CCT8: variants seen among roughly 807,000 people sequenced by gnomAD.
CCT8 encodes T-complex protein 1 subunit theta.
Under a neutral mutation model 65.7 loss-of-function variants are expected in CCT8, and 10 were observed. The ratio of observed to expected loss-of-function variants is 0.15; its 90% CI spans 0.09 to 0.26. The LOEUF is 0.26. CCT8 is among the 10% of genes least tolerant of loss of function. CCT8 has a pLI of 1.00. For missense variants in CCT8, 568 were observed against 669.1 expected, an observed-to-expected ratio of 0.85 and a Z score of 1.67; for synonymous variants, 199 against 221.8, an observed-to-expected ratio of 0.90 and a Z score of 0.92.
At position 29,060,632 on chromosome 21, in the gene CCT8, A is replaced by G. The variant is rs751712775; in HGVS notation, c.1478T>C (p.Leu493Pro). 2 of 1,613,912 alleles carry G rather than the reference A, an allele frequency of 1.2e-6. No individual in the cohort carries two copies. Among genetic ancestry groups the G allele is most frequent in the Non-Finnish European group, 1.7e-6 (2 of 1,179,812 alleles). Residue 493 changes from leucine to proline, a missense_variant, in exon 14 of 15, where the codon CTG (leucine) becomes CCG (proline). By Grantham distance (98) the Leu-to-Pro change is moderately conservative. Coordinates refer to ENST00000286788, the MANE Select transcript of CCT8 (RefSeq NM_006585.4). ...GTAAGTATCTAGAATACCAGCTTCC[A>G]GCATGTCCTTTACAGCAGGGACTTC... ...EAEVPAVKDM[L>P]EAGILDTYLG...
chr21:29,062,146 A>C lies in CCT8; in HGVS notation c.1194T>G (p.Thr398=). Residue 398 remains threonine, a synonymous_variant, in exon 11 of 15, where the codon ACT becomes ACG. Transcript: ENST00000286788. ...IERAVDDGVN[T]FKVLTRDKRL... ...TACTGACCCTTGTAAGAACTTTGAA[A>C]GTATTAACACCATCGTCTACTGCCC... 6.2e-7 allele frequency: 1 copy of C among 1,609,660 alleles called. No homozygotes were observed. Among genetic ancestry groups the C allele is most frequent in the Non-Finnish European group, 8.5e-7 (1 of 1,177,164 alleles).
chr21:29,070,362 C>A (rs201101593), intron 1 of CCT8, 25 bp from the exon 2 acceptor site: 84 of 1,465,652 alleles, frequency 5.7e-5, no homozygotes, highest in Non-Finnish European at 7.8e-5. Context: ...AAACAAAAAA[C>A]CCCGCTAATT....
At position 29,063,398 on chromosome 21, in the gene CCT8, C is replaced by G; in HGVS notation, c.895G>C (p.Asp299His). The change falls in exon 8 of 15, where the codon GAC becomes CAC. Residue 299 changes from aspartate to histidine, a missense_variant. Coordinates refer to ENST00000286788, the MANE Select transcript of CCT8 (RefSeq NM_006585.4). The stretch of plus-strand genomic sequence containing the variant: ...TTATTTGCATAATGAAGAGCCATGT[C>G]TGCCACTTTGCCACCTGTTACTACG... Reference protein sequence around the residue: ...NVVVTGGKVADMALHYANKYN... With the variant: ...NVVVTGGKVAHMALHYANKYN... The G allele has an allele frequency of 6.2e-7, 1 of 1,613,910 alleles. No individual in the cohort carries two copies. The highest frequency in any genetic ancestry group is 8.5e-7 in the Non-Finnish European group (1 of 1,179,968).
At chr21:29,065,185 A>C in intron 6 of CCT8, 80 bp from the exon 7 acceptor site, 1 of 1,416,930 alleles carries the variant, frequency 7.1e-7, no homozygotes, top group African/African-American at 1.4e-5. Flanking sequence ...CCATATACCA[A>C]AAATATCCCT....
intron 13 of CCT8, 106 bp downstream of exon 13, chr21:29,061,147 C>A: frequency 1.1e-6 from 1 of 922,378 alleles, no homozygotes; most frequent in East Asian, 2.4e-5. Flanking sequence ...AATCTGCTCC[C>A]AAATCAGAAC....
chr21:29,059,374 C>T (rs1393507709), intron 14 of CCT8: 1 of 152,192 alleles, frequency 6.6e-6, no homozygotes, highest in African/African-American at 2.4e-5. Context: ...ACTTCCCCTA[C>T]CATAAGATAA....
chr21:29,067,166 G>A, intron 4 of CCT8, 95 bp from the exon 5 acceptor site: 1 of 855,130 alleles, frequency 1.2e-6, no homozygotes, highest in East Asian at 2.6e-5. Flanking sequence ...GATACAAAAT[G>A]ACAAAGAATA....
chr21:29,072,020 A>C (rs12233350), intron 1 of CCT8: 1 of 694,838 alleles, frequency 1.4e-6, no homozygotes, highest in East Asian at 2.7e-5. Context: ...TAAAAAAAAA[A>C]CAGGTCAAAA....
chr21:29,070,309 T>C lies in CCT8; in HGVS notation c.89A>G (p.Tyr30Cys), dbSNP rs145392126. 2 of 1,611,850 alleles carry C rather than the reference T, an allele frequency of 1.2e-6. No individual in the cohort carries two copies. The highest frequency in any genetic ancestry group is 1.3e-5 in the African/African-American group (1 of 74,842). ...CTCCTTGCAAGCTTGTATGTTTCTA[T>C]ACACAGCCTCTTCTAATCCTGAAAA... The part of the protein sequence containing the change: ...KHFSGLEEAV[Y>C]RNIQACKELA... The change falls in exon 2 of 15, where the codon TAT becomes TGT. Residue 30 changes from tyrosine (Y) to cysteine (C), a missense_variant. By Grantham distance (194) the Tyr-to-Cys change is radical. Transcript: ENST00000286788.
intron 14 of CCT8, 134 bp downstream of exon 14, chr21:29,060,407 A>G (rs2085549889): frequency 1.2e-6 from 1 of 810,814 alleles, no homozygotes; most frequent in Non-Finnish European, 1.9e-6. Flanking sequence ...GGAGGGGGGC[A>G]CATAGTATCT....
At chr21:29,064,409 T>TAAAAAAAAAAAAAAAAAAAAAAA (rs34760776) in intron 7 of CCT8, among the ~76,000 whole-genome samples, 59 of 26,726 alleles carry the variant, frequency 2.2e-3, no homozygotes, top group Non-Finnish European at 2.9e-3. Flanking sequence ...AGCAAGACTC[T>TAAAAAAAAAAAAAAAAAAAAAAA]AAAAAAAAAA....
chr21:29,063,525 T>A lies in CCT8; in HGVS notation c.768A>T (p.Thr256=). The change falls in exon 8 of 15, where the codon ACA becomes ACT. Residue 256 remains threonine, a synonymous_variant. Transcript: ENST00000286788. The part of the protein sequence containing the change: ...FDGMITETKG[T]VLIKTAEELM... ...ATTCTTCAGCAGTCTTTATCAACACTGTTCCCTGGCAAAACAAGTAAACAT... is the reference window on the plus strand; with the variant it reads ...ATTCTTCAGCAGTCTTTATCAACACAGTTCCCTGGCAAAACAAGTAAACAT... 2.5e-6 allele frequency: 4 copies of A among 1,613,248 alleles called. No homozygotes were observed. The highest frequency in any genetic ancestry group is 3.4e-6 in the Non-Finnish European group (4 of 1,179,766).
intron 14 of CCT8, among the ~76,000 whole-genome samples, chr21:29,056,903 ATGAGATG>A: frequency 6.6e-6 from 1 of 152,280 alleles, no homozygotes; most frequent in East Asian, 1.9e-4. Context: ...CTATTTATAT[ATGAGATG>A]TGTCTTGCCA....
intron 1 of CCT8, among the ~76,000 whole-genome samples, chr21:29,071,625 G>A (rs2085681294): frequency 6.6e-6 from 1 of 152,062 alleles, no homozygotes; most frequent in Non-Finnish European, 1.5e-5. Context: ...GGCCTCAAGT[G>A]ATCCACTGAC....
chr21:29,059,775 A>G (rs1348274625), intron 14 of CCT8: 1 of 152,152 alleles, frequency 6.6e-6, no homozygotes, highest in Non-Finnish European at 1.5e-5. Context: ...AGTTCTTCCA[A>G]TAAATTTGTT....
chr21:29,060,463 G>A, intron 14 of CCT8, 78 bp downstream of exon 14: 2 of 1,430,550 alleles, frequency 1.4e-6, no homozygotes, highest in Middle Eastern at 1.8e-4. Flanking sequence ...ACTATGCTAT[G>A]TTCTAGTTCT....
intron 14 of CCT8, among the ~76,000 whole-genome samples, chr21:29,059,004 C>T (rs982977710): frequency 6.6e-6 from 1 of 152,174 alleles, no homozygotes; most frequent in African/African-American, 2.4e-5. Flanking sequence ...GCCTTCAACT[C>T]CTGGGCTCAA....
intron 8 of CCT8, 101 bp downstream of exon 8, chr21:29,063,251 T>C: frequency 2.2e-6 from 2 of 889,038 alleles, no homozygotes; most frequent in Non-Finnish European, 3.5e-6. Flanking sequence ...TACCTTTACT[T>C]TCCCTTTATT....
At chr21:29,059,471 C>T (rs1220129869) in intron 14 of CCT8, 1 of 152,014 alleles carries the variant, frequency 6.6e-6, no homozygotes, top group Non-Finnish European at 1.5e-5. Context: ...AATTGACATT[C>T]AAAGTTCCTA....
Sources: allele counts gnomAD v4.1 joint callset (sites outside exome capture counted in the v4.1 genomes callset), GRCh38; gene constraint gnomAD v4.1.1; transcripts MANE v1.5; gene names NCBI Gene and HGNC (gene_info 2026-07-23, HGNC 2026-07-21).